Variants in ADAMTS19 observed in about 807,000 individuals in gnomAD.
ADAMTS19 encodes the protein A disintegrin and metalloproteinase with thrombospondin motifs 19.
ADAMTS19 carries 93 observed loss-of-function variants against 153.3 expected under a neutral mutation model. The ratio of observed to expected loss-of-function variants is 0.61; its 90% CI spans 0.51 to 0.72. The LOEUF is 0.72. ADAMTS19 is among the 30% of genes least tolerant of loss of function. The pLI is 0.00. For synonymous variants in ADAMTS19, 600 were observed against 556.6 expected, an observed-to-expected ratio of 1.08 and a Z score of -1.10; for missense variants, 1,482 against 1,552.1, an observed-to-expected ratio of 0.95 and a Z score of 0.76.
rs559710042 is a variant in ADAMTS19, at chr5:129,597,226, A to G, written c.1478+562A>G. ...AACCCAAAGAGGTAGTTATTGTTCT[A>G]ATTTTCATTTCACTGAAATTAATAA... On this transcript the variant is annotated intron_variant, in intron 8 of 22. Coordinates refer to ENST00000274487, the MANE Select transcript of ADAMTS19 (RefSeq NM_133638.6). Among the ~76,000 whole-genome samples the G allele has an allele frequency of 1.1e-3, 164 of 152,316 alleles. 2 individuals are homozygous for G. Among genetic ancestry groups the G allele is most frequent in the African/African-American group, 3.6e-3 (148 of 41,586 alleles).
chr5:129,613,371 A>G (rs1751330840), intron 8 of ADAMTS19, among the ~76,000 whole-genome samples: 1 of 152,220 alleles, frequency 6.6e-6, no homozygotes, highest in African/African-American at 2.4e-5. Context: ...AGAACTCAGG[A>G]TTAAGAAACT....
At chr5:129,642,006 A>C in intron 11 of ADAMTS19, 46 bp downstream of exon 11, 1 of 1,241,888 alleles carries the variant, frequency 8.1e-7, no homozygotes, top group Non-Finnish European at 1.1e-6. Flanking sequence ...ACTAGATGAA[A>C]CTTGAGAATC....
At chr5:129,613,192 G>A (rs1264988387) in intron 8 of ADAMTS19, among the ~76,000 whole-genome samples, 1 of 152,066 alleles carries the variant, frequency 6.6e-6, no homozygotes, top group Non-Finnish European at 1.5e-5. Context: ...GGACCTAATA[G>A]ACATCTACAG....
chr5:129,629,811 A>G (rs1047822771), intron 10 of ADAMTS19, among the ~76,000 whole-genome samples: 1 of 152,088 alleles, frequency 6.6e-6, no homozygotes, highest in African/African-American at 2.4e-5. Flanking sequence ...GCCAGCTCCA[A>G]CTGCATCAAG....
rs571388280 is a variant in ADAMTS19, at chr5:129,718,606, A to G, written c.3312+14215A>G. ...AAAGATAGAACTGCCAAACATATAC[A>G]TAAATGAATAGGAATGCAGCGCTAA... is the stretch of plus-strand genomic sequence containing the variant. On this transcript the variant is annotated intron_variant, in intron 21 of 22. Transcript: ENST00000274487. 3.5e-4 allele frequency among the ~76,000 whole-genome samples: 54 copies of G among 152,296 alleles called. 1 individual carries two copies. The South Asian group carries it at 0.011, about 31-fold the overall frequency.
chr5:129,611,325 A>C lies in ADAMTS19; in HGVS notation c.1479-9293A>C, dbSNP rs975093645. On this transcript the variant is annotated intron_variant, in intron 8 of 22. Transcript: ENST00000274487. ...CCATTTGTCAATGTTGGCTTTTGTT[A>C]CCATTGCTTTTGGTGTTTTAGACAC... Among the ~76,000 whole-genome samples the C allele has an allele frequency of 2.0e-4, 30 of 152,152 alleles. 2 individuals carry two copies. Among genetic ancestry groups the C allele is most frequent in the African/African-American group, 6.5e-4 (27 of 41,524 alleles).
chr5:129,624,496 T>C (rs752104901), intron 10 of ADAMTS19, among the ~76,000 whole-genome samples: 22 of 152,176 alleles, frequency 1.4e-4, no homozygotes, highest in Admixed American at 2.6e-4. Flanking sequence ...GGCAACAAAA[T>C]AGGCTCTTTG....
chr5:129,729,439 ATACT>A (rs1430350095), intron 21 of ADAMTS19, among the ~76,000 whole-genome samples: 6 of 152,028 alleles, frequency 3.9e-5, no homozygotes, highest in East Asian at 3.9e-4. Flanking sequence ...TATAAAGAAA[ATACT>A]TACTAGTAAG....
At chr5:129,726,951 C>T (rs2127211584) in intron 21 of ADAMTS19, among the ~76,000 whole-genome samples, 1 of 152,230 alleles carries the variant, frequency 6.6e-6, no homozygotes, top group South Asian at 2.1e-4. Flanking sequence ...CTGGGGGCCC[C>T]TGTTCTTGTC....
intron 21 of ADAMTS19, among the ~76,000 whole-genome samples, chr5:129,709,280 G>A (rs994501385): frequency 1.2e-4 from 18 of 151,864 alleles, no homozygotes; most frequent in African/African-American, 3.9e-4. Flanking sequence ...TCAAAATGGT[G>A]TTCTACAATA....
intron 7 of ADAMTS19, among the ~76,000 whole-genome samples, chr5:129,571,924 A>G (rs188578594): frequency 6.6e-6 from 1 of 152,008 alleles, no homozygotes; most frequent in East Asian, 1.9e-4. Context: ...TATCTCTTCA[A>G]AAAATGGTGC....
At chr5:129,577,164 G>T (rs1172283018) in intron 7 of ADAMTS19, among the ~76,000 whole-genome samples, 1 of 152,100 alleles carries the variant, frequency 6.6e-6, no homozygotes, top group Non-Finnish European at 1.5e-5. Context: ...GGACTAGAAA[G>T]ACATCAGTTA....
At chr5:129,596,704 T>G (rs748972312) in intron 8 of ADAMTS19, 40 bp downstream of exon 8, 1 of 1,403,702 alleles carries the variant, frequency 7.1e-7, no homozygotes, top group Non-Finnish European at 9.8e-7. Context: ...TGTTAGCATA[T>G]AACTTTGTAA....
chr5:129,575,210 G>A (rs1754057542), intron 7 of ADAMTS19, among the ~76,000 whole-genome samples: 1 of 152,008 alleles, frequency 6.6e-6, no homozygotes, highest in Admixed American at 6.6e-5. Context: ...GTGTCCAACT[G>A]TTTGGAAGTT....
chr5:129,532,144 T>C lies in ADAMTS19; in HGVS notation c.1328+3467T>C, dbSNP rs959346275. Among the ~76,000 whole-genome samples the C allele has an allele frequency of 5.3e-5, 8 of 152,144 alleles. No homozygotes were observed. The South Asian group carries it at 1.2e-3, about 24-fold the overall frequency. On this transcript the variant is annotated intron_variant, in intron 6 of 22. Coordinates refer to ENST00000274487, the MANE Select transcript of ADAMTS19 (RefSeq NM_133638.6). ...AAAAAAAAGTACTAATCAAGAAATA[T>C]TGACAATCATCTGGAATTTTTAAAA... is the stretch of plus-strand genomic sequence containing the variant.
intron 2 of ADAMTS19, among the ~76,000 whole-genome samples, chr5:129,498,321 T>C (rs969504761): frequency 1.3e-5 from 2 of 152,070 alleles, no homozygotes; most frequent in Non-Finnish European, 2.9e-5. Flanking sequence ...AAAGAAAATA[T>C]CCTGCCCCTT....
At chr5:129,673,782 C>T (rs923628378) in intron 16 of ADAMTS19, among the ~76,000 whole-genome samples, 2 of 152,034 alleles carry the variant, frequency 1.3e-5, no homozygotes, top group African/African-American at 2.4e-5. Context: ...CATTTTGATA[C>T]TTTAGCATAC....
intron 8 of ADAMTS19, among the ~76,000 whole-genome samples, chr5:129,614,469 G>T (rs1264786376): frequency 6.6e-6 from 1 of 151,926 alleles, no homozygotes; most frequent in South Asian, 2.1e-4. Context: ...GAAAAGGCCT[G>T]TGACAAAATT....
intron 21 of ADAMTS19, among the ~76,000 whole-genome samples, chr5:129,716,853 C>G (rs963407207): frequency 6.6e-6 from 1 of 152,140 alleles, no homozygotes; most frequent in Non-Finnish European, 1.5e-5. Flanking sequence ...CCATTGATTG[C>G]GTCAACTACC....
Sources: allele counts gnomAD v4.1 joint callset (sites outside exome capture counted in the v4.1 genomes callset), GRCh38; gene constraint gnomAD v4.1.1; transcripts MANE v1.5; gene names NCBI Gene and HGNC (gene_info 2026-07-23, HGNC 2026-07-21).